FAM135B: variants seen among roughly 807,000 people sequenced by gnomAD.
The protein encoded by FAM135B is protein FAM135B.
A neutral mutation model predicts 127.7 loss-of-function variants in FAM135B; 43 were observed. That is an observed-to-expected ratio of 0.34 (90% CI 0.26 to 0.43). The LOEUF (loss-of-function observed/expected upper bound fraction) is 0.43, where lower values mean the gene tolerates loss of function less well. Ranked by LOEUF, FAM135B falls within the 20% of genes least tolerant of loss-of-function variation. The probability of loss-of-function intolerance (pLI) is 1.00; values close to 1 mark genes in which losing one functional copy is unlikely to be tolerated. For missense variants in FAM135B, 1,558 were observed against 1,725.6 expected (o/e 0.90, Z 1.72); for synonymous variants, 670 against 665.1 (o/e 1.01, Z -0.11).
At chr8:138,143,669 A>C (rs1449604926) in intron 15 of FAM135B, among the ~76,000 whole-genome samples, 1 of 152,252 alleles carries the variant, frequency 6.6e-6, no homozygotes, top group African/African-American at 2.4e-5. Context: ...GAAGGGCAGC[A>C]ACAAGGAAGA....
rs563725035 is a variant in FAM135B, at chr8:138,169,290, ACT to A, written c.1104-1243_1104-1242del. The stretch of plus-strand genomic sequence containing the variant: ...CCCTGAAGGCTGCTACAACTTCATA[ACT>A]CTGAATTCTCGGAATATTTAACTCT... On this transcript the variant is annotated intron_variant, in intron 11 of 19. Coordinates refer to ENST00000395297, the MANE Select transcript of FAM135B (RefSeq NM_015912.4). Among the ~76,000 whole-genome samples, 275 of 151,748 alleles carry A rather than the reference ACT, an allele frequency of 1.8e-3. 2 individuals are homozygous for A. Among genetic ancestry groups the A allele is most frequent in the Middle Eastern group, 0.01 (3 of 292 alleles).
intron 2 of FAM135B, among the ~76,000 whole-genome samples, chr8:138,351,279 G>A (rs560781453): frequency 1.3e-5 from 2 of 152,020 alleles, no homozygotes; most frequent in South Asian, 4.2e-4. Flanking sequence ...AAGCCCAATA[G>A]AGTTAAAACA....
intron 7 of FAM135B, among the ~76,000 whole-genome samples, chr8:138,231,575 T>C (rs550343361): frequency 4.3e-4 from 65 of 152,318 alleles, no homozygotes; most frequent in African/African-American, 1.4e-3. Context: ...GTGACAGATA[T>C]GGCTTCCAAC....
intron 2 of FAM135B, among the ~76,000 whole-genome samples, chr8:138,322,055 C>T (rs1827486043): frequency 6.6e-6 from 1 of 152,210 alleles, no homozygotes; most frequent in Non-Finnish European, 1.5e-5. Flanking sequence ...CAGACATAGA[C>T]TCAAATTCCC....
intron 7 of FAM135B, among the ~76,000 whole-genome samples, chr8:138,222,335 T>C (rs951924303): frequency 7.9e-5 from 12 of 152,126 alleles, no homozygotes; most frequent in Middle Eastern, 3.2e-3. Context: ...CTTATCACAA[T>C]TGCAACTCAT....
rs1246776341 is a variant in FAM135B, at chr8:138,152,525, C to A, written c.1950G>T (p.Glu650Asp). 6.2e-7 allele frequency: 1 copy of A among 1,614,166 alleles called. No homozygotes were observed. Among genetic ancestry groups the A allele is most frequent in the Non-Finnish European group, 8.5e-7 (1 of 1,180,042 alleles). ...PCDPLSSTLR[E>D]PLDIRSSLKD... ...TTAGGGAAGACCTAATATCTAAGGG[C>A]TCCCTCAGGGTAGAACTTAGTGGAT... Residue 650 changes from glutamate (E) to aspartate (D), a missense_variant, in exon 13 of 20, where the codon GAG (glutamate) becomes GAT (aspartate). Glu to Asp is a conservative substitution (Grantham distance 45). Around this residue, in one of 5 missense-constraint regions of FAM135B, gnomAD observed 923 missense variants for 865.3 expected, o/e 1.07. Coordinates refer to ENST00000395297, the MANE Select transcript of FAM135B (RefSeq NM_015912.4).
chr8:138,394,588 G>A (rs2131340397), intron 1 of FAM135B, among the ~76,000 whole-genome samples: 1 of 152,284 alleles, frequency 6.6e-6, no homozygotes, highest in Middle Eastern at 3.4e-3. Flanking sequence ...TCTACCTGTG[G>A]TGGTCTCATT....
intron 4 of FAM135B, among the ~76,000 whole-genome samples, chr8:138,257,156 C>A (rs1050312864): frequency 2.0e-5 from 3 of 152,120 alleles, no homozygotes; most frequent in African/African-American, 7.2e-5. Flanking sequence ...TCCCACTTGG[C>A]TAGCAATGGG....
At chr8:138,183,451 G>A (rs1015512815) in intron 9 of FAM135B, among the ~76,000 whole-genome samples, 10 of 152,008 alleles carry the variant, frequency 6.6e-5, no homozygotes, top group African/African-American at 2.4e-4. Context: ...GCTGGCCCCT[G>A]TACCACTGCA....
At chr8:138,143,923 G>C (rs1478969861) in intron 15 of FAM135B, among the ~76,000 whole-genome samples, 3 of 152,126 alleles carry the variant, frequency 2.0e-5, no homozygotes, top group Non-Finnish European at 4.4e-5. Flanking sequence ...AGACCTTTAC[G>C]AGTCTCTGTC....
chr8:138,369,620 T>C (rs908843), intron 1 of FAM135B, among the ~76,000 whole-genome samples: 65,043 of 151,858 alleles, frequency 0.43, 14,524 homozygotes, highest in East Asian at 0.65. Context: ...AAAACCCATT[T>C]CCCAATGAAG....
At chr8:138,372,103 G>A (rs542620772) in intron 1 of FAM135B, among the ~76,000 whole-genome samples, 13 of 152,354 alleles carry the variant, frequency 8.5e-5, no homozygotes, top group African/African-American at 3.1e-4. Flanking sequence ...GAATGAGGAG[G>A]CCTTTGCCAT....
chr8:138,141,409 G>C lies in FAM135B; in HGVS notation c.3639-60C>G, dbSNP rs1817135339. 2 of 1,561,254 alleles carry C rather than the reference G, an allele frequency of 1.3e-6. No individual in the cohort carries two copies. The highest frequency in any genetic ancestry group is 1.7e-5 in the Admixed American group (1 of 59,652). ...ACGGTGAATGCTGCTGCCCAAGAGTGCAGTGCTGGAAGCATCAGGGGCCAT... is the reference window on the plus strand; with the variant it reads ...ACGGTGAATGCTGCTGCCCAAGAGTCCAGTGCTGGAAGCATCAGGGGCCAT... On this transcript the variant is annotated intron_variant, in intron 16 of 19. Transcript: ENST00000395297. This position sits in a 1 kb window ranked among gnomAD's most constrained non-coding sequence, Gnocchi z 4.7.
upstream of FAM135B, among the ~76,000 whole-genome samples, chr8:138,497,407 G>T (rs1815439669): frequency 6.6e-6 from 1 of 151,662 alleles, no homozygotes; most frequent in Non-Finnish European, 1.5e-5. Flanking sequence ...CCCCGCGTGC[G>T]GCCCTCCCAG....
intron 1 of FAM135B, among the ~76,000 whole-genome samples, chr8:138,422,822 C>G (rs1475292750): frequency 2.0e-5 from 3 of 152,290 alleles, no homozygotes; most frequent in Admixed American, 6.5e-5. Context: ...CATATGTTCA[C>G]TGCAGCACTT....
chr8:138,306,677 G>A (rs1307245384), intron 3 of FAM135B, among the ~76,000 whole-genome samples: 1 of 151,702 alleles, frequency 6.6e-6, no homozygotes, highest in Non-Finnish European at 1.5e-5. Flanking sequence ...CTGCCTCCCG[G>A]GTTCAAGCAA....
intron 1 of FAM135B, among the ~76,000 whole-genome samples, chr8:138,421,221 G>A (rs1303458681): frequency 1.3e-5 from 2 of 152,152 alleles, no homozygotes; most frequent in African/African-American, 4.8e-5. Flanking sequence ...GCTGAGGCAG[G>A]AGAATGGCAT....
At chr8:138,225,465 A>AC (rs1347088143) in intron 7 of FAM135B, among the ~76,000 whole-genome samples, 6 of 146,700 alleles carry the variant, frequency 4.1e-5, no homozygotes, top group African/African-American at 1.5e-4. Context: ...CAAAAAAAAA[A>AC]CAAAAAAACA....
chr8:138,321,155 C>T (rs1000135979), intron 2 of FAM135B, among the ~76,000 whole-genome samples: 1 of 152,190 alleles, frequency 6.6e-6, no homozygotes, highest in Non-Finnish European at 1.5e-5. Context: ...GAAAGCCATA[C>T]TGGTACCAGC....
Sources: allele counts gnomAD v4.1 joint callset (sites outside exome capture counted in the v4.1 genomes callset), GRCh38; gene constraint gnomAD v4.1.1; regional missense constraint gnomAD v4.1.1; non-coding constraint Gnocchi (gnomAD v3.1); transcripts MANE v1.5; gene names NCBI Gene and HGNC (gene_info 2026-07-23, HGNC 2026-07-21).